MRPS9: variants seen among roughly 807,000 people sequenced by gnomAD.
MRPS9 encodes small ribosomal subunit protein uS9m.
In MRPS9, 45 loss-of-function variants were observed where a neutral mutation model predicts 59.9. The ratio of observed to expected loss-of-function variants is 0.75; its 90% confidence interval spans 0.59 to 0.96. MRPS9 has a LOEUF of 0.96. MRPS9 is among the 40% of genes least tolerant of loss of function. The probability of loss-of-function intolerance (pLI) is 0.00; values close to 1 mark genes in which losing one functional copy is unlikely to be tolerated. For missense variants in MRPS9, 473 were observed against 481.1 expected, an observed-to-expected ratio of 0.98 and a Z score of 0.16; for synonymous variants, 171 against 166.8, an observed-to-expected ratio of 1.03 and a Z score of -0.19.
chr2:105,092,328 T>C (rs1195947804), intron 7 of MRPS9, 73 bp from the exon 8 acceptor site: 3 of 1,356,570 alleles, frequency 2.2e-6, no homozygotes, highest in Non-Finnish European at 3.0e-6. Context: ...AAAGATCAAG[T>C]ATGCAAAAAA....
chr2:105,059,008 T>G (rs1679847061), intron 2 of MRPS9, among the ~76,000 whole-genome samples: 1 of 151,882 alleles, frequency 6.6e-6, no homozygotes, highest in South Asian at 2.1e-4. Flanking sequence ...GTTCTGTACT[T>G]ACTAAATATA....
chr2:105,049,378 T>A, intron 2 of MRPS9, 28 bp downstream of exon 2: 1 of 1,581,374 alleles, frequency 6.3e-7, no homozygotes, highest in Non-Finnish European at 8.6e-7. Flanking sequence ...GTTGAAAAAG[T>A]AATTGCTGTA....
intron 1 of MRPS9, among the ~76,000 whole-genome samples, chr2:105,046,447 T>C (rs1295882999): frequency 2.0e-5 from 3 of 151,990 alleles, no homozygotes; most frequent in African/African-American, 7.2e-5. Context: ...CTCTTTTAAG[T>C]GTCAACATCA....
chr2:105,084,272 A>ATATATATATAT (rs1553443279), intron 5 of MRPS9, among the ~76,000 whole-genome samples: 8 of 148,390 alleles, frequency 5.4e-5, no homozygotes, highest in African/African-American at 7.3e-5. Context: ...ATATATATGT[A>ATATATATATAT]AAATGAAGGG....
rs184229004 is a variant in MRPS9, at chr2:105,067,752, G to A, written c.316-3561G>A. ...CCCCTTCTCCTGAGTGTGTGTGTGT[G>A]TGTATGTGTACATGTGTGCGTGTGC... On this transcript the variant is annotated intron_variant, in intron 2 of 10. Coordinates refer to ENST00000258455, the MANE Select transcript of MRPS9 (RefSeq NM_182640.3). 4.1e-3 allele frequency among the ~76,000 whole-genome samples: 628 copies of A among 152,274 alleles called. 6 individuals carry two copies. Among genetic ancestry groups the A allele is most frequent in the African/African-American group, 0.014 (594 of 41,560 alleles).
chr2:105,042,070 C>A (rs544298540), intron 1 of MRPS9, among the ~76,000 whole-genome samples: 1 of 152,266 alleles, frequency 6.6e-6, no homozygotes, highest in South Asian at 2.1e-4. Context: ...TGCTACATAA[C>A]AAATTATCCT....
At chr2:105,039,317 G>GT (rs11423412) in intron 1 of MRPS9, among the ~76,000 whole-genome samples, 52,582 of 134,194 alleles carry the variant, frequency 0.39, 9,701 homozygotes, top group Non-Finnish European at 0.41. Context: ...GTGGACATTT[G>GT]TTTTTTTTTT....
intron 2 of MRPS9, among the ~76,000 whole-genome samples, chr2:105,067,384 A>G (rs919599609): frequency 6.6e-6 from 1 of 152,152 alleles, no homozygotes; most frequent in African/African-American, 2.4e-5. Flanking sequence ...GTGATATTGT[A>G]TACTTCTCGT....
chr2:105,096,837 C>T (rs974903860), intron 9 of MRPS9, among the ~76,000 whole-genome samples: 1 of 152,050 alleles, frequency 6.6e-6, no homozygotes, highest in Non-Finnish European at 1.5e-5. Context: ...TAATGGAGTT[C>T]CCCAACTGTA....
chr2:105,082,342 C>T (rs184694852), intron 5 of MRPS9, among the ~76,000 whole-genome samples: 1 of 152,122 alleles, frequency 6.6e-6, no homozygotes, highest in Non-Finnish European at 1.5e-5. Flanking sequence ...ATGCCATTGG[C>T]CAGGAGCTGT....
intron 2 of MRPS9, among the ~76,000 whole-genome samples, chr2:105,069,459 C>T (rs904220952): frequency 1.6e-4 from 24 of 152,100 alleles, no homozygotes; most frequent in Non-Finnish European, 2.6e-4. Flanking sequence ...GTGATCCACC[C>T]ACCTCAGCCT....
chr2:105,038,381 G>A (rs1459465132), intron 1 of MRPS9, 154 bp downstream of exon 1: 3 of 973,508 alleles, frequency 3.1e-6, no homozygotes, highest in Non-Finnish European at 4.5e-6. Context: ...GGGAGGAGGT[G>A]GGTATTGGCG....
chr2:105,051,809 ATTGT>A (rs1210118281), intron 2 of MRPS9, among the ~76,000 whole-genome samples: 1 of 152,076 alleles, frequency 6.6e-6, no homozygotes, highest in Non-Finnish European at 1.5e-5. Context: ...TGTAAATAGA[ATTGT>A]TTTATTTTAT....
At chr2:105,058,034 C>T (rs1316237025) in intron 2 of MRPS9, among the ~76,000 whole-genome samples, 1 of 152,134 alleles carries the variant, frequency 6.6e-6, no homozygotes, top group Non-Finnish European at 1.5e-5. Flanking sequence ...GTTTTATTCT[C>T]CTAAGTGTGA....
At chr2:105,045,813 G>C (rs1475842091) in intron 1 of MRPS9, among the ~76,000 whole-genome samples, 1 of 151,938 alleles carries the variant, frequency 6.6e-6, no homozygotes, top group Non-Finnish European at 1.5e-5. Context: ...TATTCTCCTG[G>C]CTCACTAGTA....
At chr2:105,059,649 T>G (rs547224553) in intron 2 of MRPS9, among the ~76,000 whole-genome samples, 1 of 152,072 alleles carries the variant, frequency 6.6e-6, no homozygotes, top group African/African-American at 2.4e-5. Context: ...GGTTTAGGAG[T>G]GAAAAGGTGT....
chr2:105,077,092 C>T (rs1254762215), intron 4 of MRPS9, among the ~76,000 whole-genome samples: 1 of 151,874 alleles, frequency 6.6e-6, no homozygotes, highest in Non-Finnish European at 1.5e-5. Flanking sequence ...ACTAAAAATA[C>T]AAAATAGCCG....
intron 4 of MRPS9, among the ~76,000 whole-genome samples, chr2:105,077,394 C>T (rs932616597): frequency 6.6e-6 from 1 of 152,108 alleles, no homozygotes; most frequent in African/African-American, 2.4e-5. Context: ...GCTAAATAAA[C>T]TCATGCTGTG....
Position 105,097,200 on chromosome 2 carries a change from G to C in MRPS9, c.975G>C (p.Lys325Asn). 1.2e-6 allele frequency: 2 copies of C among 1,602,944 alleles called. No homozygotes were observed. The highest frequency in any genetic ancestry group is 2.2e-5 in the South Asian group (2 of 89,228). ...TCCACTTTGTTGACCGGCTGGGAAA[G>C]CACGACGTGACCTGCACAGTCTCAG... is the stretch of plus-strand genomic sequence containing the variant. ...FPFHFVDRLG[K>N]HDVTCTVSGG... Residue 325 changes from lysine (K) to asparagine (N), a missense_variant, in exon 10 of 11, where the codon AAG becomes AAC. Lys to Asn is a moderately conservative substitution (Grantham distance 94, BLOSUM62 0). Transcript: ENST00000258455.
Sources: gnomAD v4.1 joint callset for allele counts (sites outside exome capture counted in the v4.1 genomes callset) on GRCh38, gnomAD v4.1.1 for gene constraint, MANE v1.5 for transcripts, NCBI Gene and HGNC (gene_info 2026-07-23, HGNC 2026-07-21) for gene names.